Variants in BRAF observed in about 807,000 individuals in gnomAD.
The protein encoded by BRAF is B-Raf proto-oncogene, serine/threonine kinase.
In BRAF, 16 loss-of-function variants were observed where a neutral mutation model predicts 104.6. That is an observed-to-expected ratio of 0.15 (90% confidence interval 0.10 to 0.23). The LOEUF (loss-of-function observed/expected upper bound fraction) is 0.23, where lower values mean the gene tolerates loss of function less well. BRAF is among the 10% of genes least tolerant of loss of function. The probability of loss-of-function intolerance (pLI) is 1.00; values close to 1 mark genes in which losing one functional copy is unlikely to be tolerated. For missense variants in BRAF, 541 were observed against 937.3 expected, an observed-to-expected ratio of 0.58 and a Z score of 5.52; for synonymous variants, 310 against 341.6, an observed-to-expected ratio of 0.91 and a Z score of 1.02.
chr7:140,904,392 T>A (rs192866083), intron 1 of BRAF, among the ~76,000 whole-genome samples: 1 of 152,300 alleles, frequency 6.6e-6, no homozygotes, highest in African/African-American at 2.4e-5. Context: ...CAGTTATTTT[T>A]TTTTTTTCCA....
chr7:140,760,206 A>C (rs192732290), intron 14 of BRAF, among the ~76,000 whole-genome samples: 128 of 152,268 alleles, frequency 8.4e-4, no homozygotes, highest in African/African-American at 2.9e-3. Flanking sequence ...TGAGGTCAGG[A>C]GTTCCAGACC....
Position 140,781,610 on chromosome 7 carries a change from T to C in BRAF, c.1518A>G (p.Gly506=), listed in dbSNP as rs764348041. 3 of 1,614,096 alleles carry C rather than the reference T, an allele frequency of 1.9e-6. No individual in the cohort carries two copies. Among genetic ancestry groups the C allele is most frequent in the East Asian group, 4.5e-5 (2 of 44,872 alleles). Residue 506 remains glycine (G), a synonymous_variant, in exon 12 of 20, where the codon GGA becomes GGG. Transcript: ENST00000644969. Reference sequence around the variant, plus strand: ...TTCCCTTGTAGACTGTTCCAAATGATCCAGATCCAATTCTTTGTCCCACTG... The same window carrying C: ...TTCCCTTGTAGACTGTTCCAAATGACCCAGATCCAATTCTTTGTCCCACTG... The part of the protein sequence containing the change: ...QITVGQRIGS[G]SFGTVYKGKW...
rs148553396 is a variant in BRAF, at chr7:140,849,374, T to TA, written c.240+736dup. 3.3e-3 allele frequency among the ~76,000 whole-genome samples: 496 copies of TA among 152,330 alleles called. 3 individuals carry two copies. The highest frequency in any genetic ancestry group is 0.011 in the African/African-American group (474 of 41,570). ...TAAAGCTAAACAATGTTGAGCTATT[T>TA]AAAAATTACAAATTTTACCTATAAG... On this transcript the variant is annotated intron_variant, in intron 2 of 19. Coordinates refer to ENST00000644969, the MANE Select transcript of BRAF (RefSeq NM_001374258.1).
intron 19 of BRAF, chr7:140,733,333 T>C (rs1398837964): frequency 6.7e-6 from 1 of 150,122 alleles, no homozygotes; most frequent in Non-Finnish European, 1.5e-5. Context: ...CTTGATCTAT[T>C]GGCTACATTT....
intron 1 of BRAF, among the ~76,000 whole-genome samples, chr7:140,915,140 C>T (rs554896248): frequency 2.0e-5 from 3 of 147,050 alleles, no homozygotes; most frequent in Admixed American, 2.0e-4. Context: ...ATTAAAAATA[C>T]ATCTATAAGC....
At position 140,924,414 on chromosome 7, in the gene BRAF, C is replaced by G; in HGVS notation, c.138+152G>C. ...GAAGGCGCTGCATGACGGAGAGGGA[C>G]ACGGGGGCGATGCCCACCTCCCAGC... On this transcript the variant is annotated intron_variant, in intron 1 of 19. Coordinates refer to ENST00000644969, the MANE Select transcript of BRAF (RefSeq NM_001374258.1). The surrounding 1 kb of genome is among the most constrained non-coding windows in gnomAD (Gnocchi z 4.2). 8.5e-7 allele frequency: 1 copy of G among 1,169,738 alleles called. No homozygotes were observed. The highest frequency in any genetic ancestry group is 1.2e-6 in the Non-Finnish European group (1 of 829,192). The allele number at this position is 1,169,738 out of a possible 1,614,324, so 72.5% of individuals were successfully genotyped here.
At chr7:140,834,581 C>T (rs780847502) in intron 3 of BRAF, 28 bp downstream of exon 3, 2 of 1,613,138 alleles carry the variant, frequency 1.2e-6, no homozygotes, top group Admixed American at 3.3e-5. Flanking sequence ...AAAGAAACAG[C>T]AAAATGGTGA....
chr7:140,921,000 A>C (rs1818162079), intron 1 of BRAF, among the ~76,000 whole-genome samples: 1 of 152,218 alleles, frequency 6.6e-6, no homozygotes, highest in Non-Finnish European at 1.5e-5. Context: ...AGTGGACCTC[A>C]TTATAAAGGA....
chr7:140,876,608 ATAAC>A (rs770100488), intron 1 of BRAF, among the ~76,000 whole-genome samples: 2 of 152,234 alleles, frequency 1.3e-5, no homozygotes, highest in Non-Finnish European at 2.9e-5. Context: ...AATAGAAAGC[ATAAC>A]TAATATATAT....
intron 3 of BRAF, 48 bp from the exon 4 acceptor site, chr7:140,809,043 A>G (rs375801522): frequency 1.1e-4 from 160 of 1,459,940 alleles, no homozygotes; most frequent in Non-Finnish European, 1.5e-4. Flanking sequence ...AGCAAATTAC[A>G]TTTTTTCATA....
Position 140,723,724 on chromosome 7 carries a change from C to A in BRAF, c.*2770G>T. On this transcript the variant is annotated 3_prime_UTR_variant, in exon 20 of 20. Coordinates refer to ENST00000644969, the MANE Select transcript of BRAF (RefSeq NM_001374258.1). ...ACCTCTCCCTACCAAAAATAAAACA[C>A]ACTACAGAAGGCACTGCAGCCACTT... 1.9e-6 allele frequency: 2 copies of A among 1,050,088 alleles called. No individual in the cohort carries two copies. Among genetic ancestry groups the A allele is most frequent in the Non-Finnish European group, 2.3e-6 (2 of 869,680 alleles). 65.0% of individuals were successfully genotyped at this position (1,050,088 alleles called of 1,614,324 possible).
chr7:140,755,914 G>T (rs1385729342), intron 14 of BRAF, among the ~76,000 whole-genome samples: 1 of 151,752 alleles, frequency 6.6e-6, no homozygotes, highest in East Asian at 1.9e-4. Flanking sequence ...TCTTTTTCCT[G>T]CAAGACTTAA....
chr7:140,750,187 G>A (rs1481270948), intron 16 of BRAF, among the ~76,000 whole-genome samples: 5 of 152,086 alleles, frequency 3.3e-5, no homozygotes, highest in Admixed American at 6.6e-5. Context: ...TTCACCTTGC[G>A]TCTTCTGTAT....
chr7:140,729,062 CAAAAAA>C (rs764302395), intron 19 of BRAF, among the ~76,000 whole-genome samples: 1 of 65,912 alleles, frequency 1.5e-5, no homozygotes, highest in Non-Finnish European at 3.6e-5. Flanking sequence ...GCTGTCTCTC[CAAAAAA>C]AAAAAAAAAA....
chr7:140,766,451 C>A (rs1485956766), intron 14 of BRAF, among the ~76,000 whole-genome samples: 2 of 151,666 alleles, frequency 1.3e-5, no homozygotes, highest in Admixed American at 1.3e-4. Flanking sequence ...ATAAAAAAAA[C>A]AAAACAACAA....
chr7:140,760,862 A>T (rs528369223), intron 14 of BRAF, among the ~76,000 whole-genome samples: 34 of 152,336 alleles, frequency 2.2e-4, no homozygotes, highest in African/African-American at 7.5e-4. Context: ...AGAAACGAAC[A>T]AAGCCTCCAA....
At chr7:140,859,838 C>T (rs943658240) in intron 1 of BRAF, among the ~76,000 whole-genome samples, 1 of 152,046 alleles carries the variant, frequency 6.6e-6, no homozygotes. Flanking sequence ...CAGGTGCACA[C>T]CACCATGCCC....
In BRAF at chr7:140,721,731, T is replaced by G; in HGVS notation, c.*4763A>C. ...TGCTGGAGACAATACATGGACTTTC[T>G]CTTTCAATGGTGAGGAATGAAACAA... On this transcript the variant is annotated 3_prime_UTR_variant, in exon 20 of 20. Transcript: ENST00000644969. 6.6e-7 allele frequency: 1 copy of G among 1,516,502 alleles called. No individual in the cohort carries two copies. The highest frequency in any genetic ancestry group is 1.4e-5 in the African/African-American group (1 of 72,040). The allele number at this position is 1,516,502 out of a possible 1,614,324, so 93.9% of individuals were successfully genotyped here. A position where few individuals can be genotyped will look rare whatever the true frequency, so the allele number is the denominator to read the frequency against.
chr7:140,759,592 G>A (rs1798497284), intron 14 of BRAF, among the ~76,000 whole-genome samples: 1 of 152,182 alleles, frequency 6.6e-6, no homozygotes, highest in South Asian at 2.1e-4. Flanking sequence ...CACCATTTTG[G>A]TCAAGCTGGT....
Sources: gnomAD v4.1 joint callset for allele counts (sites outside exome capture counted in the v4.1 genomes callset) on GRCh38, gnomAD v4.1.1 for gene constraint, Gnocchi (gnomAD v3.1) non-coding constraint, MANE v1.5 for transcripts, NCBI Gene and HGNC (gene_info 2026-07-23, HGNC 2026-07-21) for gene names.